The following PCBP3 variants were observed in gnomAD, a reference collection of about 807,000 sequenced individuals.
PCBP3 encodes poly(rC)-binding protein 3.
Under a neutral mutation model 52.7 loss-of-function variants are expected in PCBP3, and 25 were observed. The observed-to-expected ratio is 0.47, with a 90% CI of 0.35 to 0.66. The LOEUF is 0.66. PCBP3 is among the 30% of genes least tolerant of loss of function. PCBP3 has a pLI of 0.01. For synonymous variants in PCBP3, 162 were observed against 183.0 expected (o/e 0.89, Z 0.93); for missense variants, 391 against 490.3 (o/e 0.80, Z 1.91).
chr21:45,663,452 C>A (rs961264895), intron 1 of PCBP3, among the ~76,000 whole-genome samples: 2 of 152,070 alleles, frequency 1.3e-5, no homozygotes, highest in African/African-American at 4.8e-5. Context: ...GGGAGGAAAA[C>A]CCACCGACCC....
intron 1 of PCBP3, among the ~76,000 whole-genome samples, chr21:45,660,024 C>G (rs1222948657): frequency 6.6e-6 from 1 of 152,022 alleles, no homozygotes; most frequent in Admixed American, 6.5e-5. Context: ...GCATTCCATC[C>G]TGTATTGAAA....
At chr21:45,652,429 T>A (rs1342299195) in intron 1 of PCBP3, among the ~76,000 whole-genome samples, 1 of 149,972 alleles carries the variant, frequency 6.7e-6, no homozygotes. Flanking sequence ...AATATGTGAC[T>A]GGATTCTGAT....
chr21:45,827,888 G>C lies in PCBP3; in HGVS notation c.-125-22073G>C, dbSNP rs1302698486. On this transcript the variant is annotated intron_variant, in intron 4 of 17. Transcript: ENST00000681687. The surrounding 1 kb of genome is among the most constrained non-coding windows in gnomAD (Gnocchi z 4.3). ...GAGACTTTGTGCTGCTGGTGCTGCT[G>C]TCTGGGAAGGAGGCAGAGCAGCTCT... 6.6e-6 allele frequency: 1 copy of C among 152,392 alleles called. No individual in the cohort carries two copies. Among genetic ancestry groups the C allele is most frequent in the African/African-American group, 2.4e-5 (1 of 41,458 alleles). The allele number at this position is 152,392 out of a possible 1,614,324, so 9.4% of individuals were successfully genotyped here. A position where few individuals can be genotyped will look rare whatever the true frequency, so the allele number is the denominator to read the frequency against.
chr21:45,750,307 G>A (rs182919648), intron 3 of PCBP3: 10 of 151,526 alleles, frequency 6.6e-5, no homozygotes, highest in Admixed American at 5.9e-4. Context: ...AGCCGTGGTT[G>A]GTTTCTGCCT....
chr21:45,818,113 C>T (rs2093021746), intron 4 of PCBP3, among the ~76,000 whole-genome samples: 1 of 152,126 alleles, frequency 6.6e-6, no homozygotes, highest in Non-Finnish European at 1.5e-5. Flanking sequence ...ACCTCCACCT[C>T]CCGGGTTCAC....
rs7280557 is a variant in PCBP3, at chr21:45,827,632, G to A, written c.-125-22329G>A. On this transcript the variant is annotated intron_variant, in intron 4 of 17. Transcript: ENST00000681687. This position sits in a 1 kb window ranked among gnomAD's most constrained non-coding sequence, Gnocchi z 4.3. ...CTGAAAGTACAGCCACCAGAATTTA[G>A]AAATTCACATTGTACACTGTGATGT... Among the ~76,000 whole-genome samples, 120 of 152,346 alleles carry A rather than the reference G, an allele frequency of 7.9e-4. No homozygotes were observed. The highest frequency in any genetic ancestry group is 2.8e-3 in the African/African-American group (115 of 41,578).
At chr21:45,912,759 G>A (rs2096423230) in intron 11 of PCBP3, among the ~76,000 whole-genome samples, 1 of 152,176 alleles carries the variant, frequency 6.6e-6, no homozygotes, top group Admixed American at 6.5e-5. Context: ...CCGAGGCTGG[G>A]CATCTCCAGG....
At chr21:45,908,274 G>A (rs2096255827) in intron 9 of PCBP3, among the ~76,000 whole-genome samples, 1 of 152,156 alleles carries the variant, frequency 6.6e-6, no homozygotes, top group South Asian at 2.1e-4. Context: ...CGGGTGGCAG[G>A]AAGTGGGAAT....
chr21:45,817,636 G>A lies in PCBP3; in HGVS notation c.-125-32325G>A, dbSNP rs868757194. Among the ~76,000 whole-genome samples, 2 of 152,234 alleles carry A rather than the reference G, an allele frequency of 1.3e-5. No individual in the cohort carries two copies. Among genetic ancestry groups the A allele is most frequent in the Non-Finnish European group, 2.9e-5 (2 of 68,034 alleles). On this transcript the variant is annotated intron_variant, in intron 4 of 17. Coordinates refer to ENST00000681687, the MANE Select transcript of PCBP3 (RefSeq NM_001384156.1). The surrounding 1 kb of genome is among the most constrained non-coding windows in gnomAD (Gnocchi z 4.3). ...CAGTGGACGCAGCTAGAAAGCAGCCGGCGAGGAGCTCAGCGTGTGTCTCCG... is the reference window on the plus strand; with the variant it reads ...CAGTGGACGCAGCTAGAAAGCAGCCAGCGAGGAGCTCAGCGTGTGTCTCCG...
chr21:45,934,927 C>T (rs1202004620), intron 15 of PCBP3, among the ~76,000 whole-genome samples: 1 of 152,210 alleles, frequency 6.6e-6, no homozygotes, highest in East Asian at 1.9e-4. Context: ...GCCAGGGGCC[C>T]ACCAGGGTGG....
At chr21:45,795,580 G>A (rs751987715) in intron 4 of PCBP3, among the ~76,000 whole-genome samples, 2 of 152,144 alleles carry the variant, frequency 1.3e-5, no homozygotes, top group Admixed American at 6.5e-5. Context: ...AATGTTGCAC[G>A]TCAAACATGA....
intron 4 of PCBP3, among the ~76,000 whole-genome samples, chr21:45,796,854 A>G (rs144789778): frequency 8.0e-4 from 122 of 152,356 alleles, no homozygotes; most frequent in African/African-American, 2.9e-3. Context: ...TTGTTTCCCA[A>G]ACCTCTTAGA....
intron 15 of PCBP3, among the ~76,000 whole-genome samples, chr21:45,932,879 T>G (rs1401886744): frequency 4.0e-5 from 5 of 123,724 alleles, no homozygotes; most frequent in Admixed American, 1.6e-4. Context: ...GGACACCTGG[T>G]CCATGCCGTC....
rs997130928 is a variant in PCBP3 at position 45,817,711 on chromosome 21, A to G, written c.-125-32250A>G. Among the ~76,000 whole-genome samples the G allele has an allele frequency of 1.3e-5, 2 of 152,204 alleles. No individual in the cohort carries two copies. The highest frequency in any genetic ancestry group is 2.9e-5 in the Non-Finnish European group (2 of 68,034). On this transcript the variant is annotated intron_variant, in intron 4 of 17. Transcript: ENST00000681687. The surrounding 1 kb of genome is among the most constrained non-coding windows in gnomAD (Gnocchi z 4.3). The stretch of plus-strand genomic sequence containing the variant: ...ACCCTGCTGTGCAATGCTCGAACAC[A>G]CTTGCTTCTTATTTCTGTCCAATTC...
At chr21:45,900,856 A>T in intron 8 of PCBP3, 141 bp from the exon 9 acceptor site, 1 of 720,570 alleles carries the variant, frequency 1.4e-6, no homozygotes, top group Non-Finnish European at 2.5e-6. Context: ...GATTGTTGAG[A>T]AGCATTTTAC....
At position 45,942,017 on chromosome 21, in the gene PCBP3, T is replaced by A; in HGVS notation, c.*311T>A. 3.1e-6 allele frequency: 1 copy of A among 321,960 alleles called. No individual in the cohort carries two copies. The highest frequency in any genetic ancestry group is 5.7e-6 in the Non-Finnish European group (1 of 176,788). 19.9% of individuals were successfully genotyped at this position (321,960 alleles called of 1,614,324 possible). ...TCCTTGGTGTCAGCGTAGCTGTCTGTCTTAGGAGCTGGGTCGGCGTTCCGA... is the reference window on the plus strand; with the variant it reads ...TCCTTGGTGTCAGCGTAGCTGTCTGACTTAGGAGCTGGGTCGGCGTTCCGA... On this transcript the variant is annotated 3_prime_UTR_variant, in exon 18 of 18. Transcript: ENST00000681687.
At chr21:45,923,293 CCT>C (rs1316868443) in intron 13 of PCBP3, among the ~76,000 whole-genome samples, 1 of 152,220 alleles carries the variant, frequency 6.6e-6, no homozygotes, top group Non-Finnish European at 1.5e-5. Context: ...AGGGGCCCAG[CCT>C]CTCTCACTCT....
intron 11 of PCBP3, among the ~76,000 whole-genome samples, chr21:45,912,245 G>A (rs2096411285): frequency 6.6e-6 from 1 of 152,178 alleles, no homozygotes; most frequent in African/African-American, 2.4e-5. Flanking sequence ...AGCAAGACAG[G>A]GAGCTCGTAG....
chr21:45,845,284 C>T (rs1260274783), intron 4 of PCBP3, among the ~76,000 whole-genome samples: 1 of 152,238 alleles, frequency 6.6e-6, no homozygotes, highest in Non-Finnish European at 1.5e-5. Context: ...AGCATGCTGC[C>T]TTGTGATTGT....
Sources: gnomAD v4.1 joint callset for allele counts (sites outside exome capture counted in the v4.1 genomes callset) on GRCh38, gnomAD v4.1.1 for gene constraint, Gnocchi (gnomAD v3.1) non-coding constraint, MANE v1.5 for transcripts, NCBI Gene and HGNC (gene_info 2026-07-23, HGNC 2026-07-21) for gene names.